CELF4: variants seen among roughly 807,000 people sequenced by gnomAD.
CELF4 encodes CUG-BP- and ETR-3-like factor 4.
In CELF4, 18 loss-of-function variants were observed where a neutral mutation model predicts 59.9. That is an observed-to-expected ratio of 0.30 (90% CI 0.21 to 0.45). The LOEUF is 0.45. Among genes scored for constraint, CELF4 ranks in the 20% least tolerant of loss-of-function variants. CELF4 has a pLI of 1.00. For synonymous variants in CELF4, 261 were observed against 267.1 expected (o/e 0.98, Z 0.22); for missense variants, 456 against 689.0 (o/e 0.66, Z 3.79).
At chr18:37,365,456 C>T (rs61274842) in intron 2 of CELF4, among the ~76,000 whole-genome samples, 1,963 of 148,952 alleles carry the variant, frequency 0.013, 49 homozygotes, top group African/African-American at 0.046. Context: ...AATTTCTTCA[C>T]AGATCCCTGA....
At chr18:37,514,587 C>T (rs1450446217) in intron 1 of CELF4, among the ~76,000 whole-genome samples, 2 of 152,268 alleles carry the variant, frequency 1.3e-5, no homozygotes, top group African/African-American at 4.8e-5. Context: ...CTGAAACCAA[C>T]CAATTGAGCT....
intron 1 of CELF4, among the ~76,000 whole-genome samples, chr18:37,547,303 G>A (rs563297578): frequency 6.6e-6 from 1 of 152,220 alleles, no homozygotes; most frequent in South Asian, 2.1e-4. Context: ...AGGGCTGGGT[G>A]TACAAAAACC....
chr18:37,519,625 G>A (rs1429230128), intron 1 of CELF4, among the ~76,000 whole-genome samples: 2 of 152,204 alleles, frequency 1.3e-5, no homozygotes, highest in Non-Finnish European at 2.9e-5. Context: ...CGAGATCTGT[G>A]GGCAGCGAGG....
At position 37,274,165 on chromosome 18, in the gene CELF4, C is replaced by T. The variant is rs544218574; in HGVS notation, c.801+146G>A. 9.5e-6 allele frequency: 14 copies of T among 1,476,986 alleles called. No individual in the cohort carries two copies. In the East Asian group the frequency reaches 2.7e-4, roughly 28 times the overall value. The allele number at this position is 1,476,986 out of a possible 1,614,324, so 91.5% of individuals were successfully genotyped here. A position where few individuals can be genotyped will look rare whatever the true frequency, so the allele number is the denominator to read the frequency against. On this transcript the variant is annotated intron_variant, in intron 6 of 12. Transcript: ENST00000420428. The stretch of plus-strand genomic sequence containing the variant: ...CAAACCCTTCTGAAGTTAAACCCCC[C>T]AGGTTCATGGGTTCATTCCCGGCCC...
chr18:37,316,911 C>A (rs2096886298), intron 3 of CELF4, among the ~76,000 whole-genome samples: 1 of 152,148 alleles, frequency 6.6e-6, no homozygotes, highest in Non-Finnish European at 1.5e-5. Flanking sequence ...GAGAAGCCCT[C>A]CTGGGAGTGA....
At chr18:37,430,438 T>C (rs770265287) in intron 2 of CELF4, among the ~76,000 whole-genome samples, 2 of 152,168 alleles carry the variant, frequency 1.3e-5, no homozygotes, top group African/African-American at 2.4e-5. Context: ...AGCATTGCAG[T>C]GGGCCCTCCA....
At chr18:37,263,287 G>T (rs1479103480) in intron 10 of CELF4, among the ~76,000 whole-genome samples, 2 of 152,184 alleles carry the variant, frequency 1.3e-5, no homozygotes, top group Non-Finnish European at 2.9e-5. Context: ...GCAGGCTGTG[G>T]CACCTCTTTG....
chr18:37,559,970 G>A (rs888993293), intron 1 of CELF4, among the ~76,000 whole-genome samples: 19 of 152,240 alleles, frequency 1.2e-4, no homozygotes, highest in African/African-American at 2.2e-4. Flanking sequence ...TTTCCTTTGC[G>A]TTGTTTTATG....
intron 2 of CELF4, among the ~76,000 whole-genome samples, chr18:37,329,943 A>T (rs2097478505): frequency 6.6e-6 from 1 of 152,206 alleles, no homozygotes; most frequent in Non-Finnish European, 1.5e-5. Context: ...TTTGTGGATC[A>T]TCAGGTGTTT....
In CELF4 at chr18:37,245,633, T is replaced by TC; in HGVS notation, c.*45-437dup. On this transcript the variant is annotated intron_variant, in intron 12 of 12. Transcript: ENST00000420428. The surrounding 1 kb of genome is among the most constrained non-coding windows in gnomAD (Gnocchi z 4.1). The stretch of plus-strand genomic sequence containing the variant: ...AAAATCTAGCAGCCCAGCCCACTCC[T>TC]CCCAGCTCAAGGGAAAGAAGGAAGA... Among the ~76,000 whole-genome samples, 1 of 152,198 alleles carries TC rather than the reference T, an allele frequency of 6.6e-6. No homozygotes were observed. Among genetic ancestry groups the TC allele is most frequent in the South Asian group, 2.1e-4 (1 of 4,804 alleles).
At chr18:37,473,759 C>T (rs13380988) in intron 2 of CELF4, 7,341 of 152,414 alleles carry the variant, frequency 0.048, 252 homozygotes, top group Middle Eastern at 0.078. Flanking sequence ...CCCTGACCAT[C>T]TCCACCAGGC....
chr18:37,559,859 G>A (rs2099986000), intron 1 of CELF4, among the ~76,000 whole-genome samples: 1 of 152,190 alleles, frequency 6.6e-6, no homozygotes, highest in Non-Finnish European at 1.5e-5. Context: ...AGATCACTGG[G>A]CAGTGGGAAT....
At chr18:37,334,360 T>C (rs2097685352) in intron 2 of CELF4, among the ~76,000 whole-genome samples, 2 of 152,108 alleles carry the variant, frequency 1.3e-5, no homozygotes, top group Non-Finnish European at 2.9e-5. Flanking sequence ...CACCACTGGG[T>C]TTCTGGGCCT....
intron 2 of CELF4, among the ~76,000 whole-genome samples, chr18:37,378,589 G>C (rs1028807383): frequency 5.3e-5 from 8 of 152,196 alleles, no homozygotes; most frequent in Non-Finnish European, 1.0e-4. Flanking sequence ...GGCAAGTCCC[G>C]TGGAAGCATT....
At chr18:37,336,167 G>A (rs547503068) in intron 2 of CELF4, among the ~76,000 whole-genome samples, 9 of 152,304 alleles carry the variant, frequency 5.9e-5, no homozygotes, top group Admixed American at 5.9e-4. Context: ...CTCGCTCAGG[G>A]AGGGCTCACA....
chr18:37,283,310 A>AG (rs2094372107), intron 3 of CELF4, among the ~76,000 whole-genome samples: 1 of 151,908 alleles, frequency 6.6e-6, no homozygotes, highest in Non-Finnish European at 1.5e-5. Context: ...AAAACAGCAG[A>AG]GGGGGGCATT....
At chr18:37,506,309 T>A (rs958697911) in intron 1 of CELF4, among the ~76,000 whole-genome samples, 1 of 151,954 alleles carries the variant, frequency 6.6e-6, no homozygotes, top group African/African-American at 2.4e-5. Context: ...ATAGGCTTGT[T>A]TGGGGAAAAC....
chr18:37,565,715 A>ACACACG lies in CELF4; in HGVS notation c.-80_-75dup. ...TCCTCTCTCTCGCTCGCTCGCGCTC[A>ACACACG]CACACGCACACGCATACACACACTC... On this transcript the variant is annotated 5_prime_UTR_variant, in exon 1 of 13. Coordinates refer to ENST00000420428, the MANE Select transcript of CELF4 (RefSeq NM_020180.4). 1 of 756,670 alleles carries ACACACG rather than the reference A, an allele frequency of 1.3e-6. No homozygotes were observed. The highest frequency in any genetic ancestry group is 2.0e-6 in the Non-Finnish European group (1 of 489,716). 46.9% of individuals were successfully genotyped at this position (756,670 alleles called of 1,614,324 possible). A position where few individuals can be genotyped will look rare whatever the true frequency, so the allele number is the denominator to read the frequency against.
intron 8 of CELF4, 22 bp downstream of exon 8, chr18:37,270,746 A>C: frequency 6.2e-7 from 1 of 1,613,562 alleles, no homozygotes; most frequent in East Asian, 2.2e-5. Context: ...ATACGGAAAT[A>C]AGTGCTGACA....
Sources: gnomAD v4.1 joint callset for allele counts (sites outside exome capture counted in the v4.1 genomes callset) on GRCh38, gnomAD v4.1.1 for gene constraint, Gnocchi (gnomAD v3.1) non-coding constraint, MANE v1.5 for transcripts, NCBI Gene and HGNC (gene_info 2026-07-23, HGNC 2026-07-21) for gene names.